VPS13A: variants seen among roughly 807,000 people sequenced by gnomAD.
VPS13A encodes vacuolar protein sorting 13 homolog A.
Under a neutral mutation model 390.9 loss-of-function variants are expected in VPS13A, and 264 were observed. That is an observed-to-expected ratio of 0.68 (90% CI 0.61 to 0.75). The LOEUF (loss-of-function observed/expected upper bound fraction) is 0.75. VPS13A is among the 30% of genes least tolerant of loss of function. The pLI is 0.00. For missense variants in VPS13A, 3,409 were observed against 3,733.9 expected (o/e 0.91, Z 2.27); for synonymous variants, 1,231 against 1,227.1 (o/e 1.00, Z -0.07).
chr9:77,253,936 CTTTTTTTTTTTT>C (rs1172781069), intron 22 of VPS13A, among the ~76,000 whole-genome samples: 2 of 55,068 alleles, frequency 3.6e-5, no homozygotes, highest in Admixed American at 2.2e-4. Flanking sequence ...GGCCTTTATT[CTTTTTTTTTTTT>C]TTTTTTTTTT....
intron 7 of VPS13A, 131 bp downstream of exon 7, chr9:77,210,806 G>A (rs1825939914): frequency 3.4e-6 from 3 of 881,858 alleles, no homozygotes; most frequent in Admixed American, 3.9e-5. Flanking sequence ...GTCTTCATTG[G>A]ATTGGAATCG....
At position 77,307,928 on chromosome 9, in the gene VPS13A, T is replaced by TC. The variant is rs1288047591; in HGVS notation, c.3961-16dup. 2 of 1,560,806 alleles carry TC rather than the reference T, an allele frequency of 1.3e-6. No homozygotes were observed. Among genetic ancestry groups the TC allele is most frequent in the East Asian group, 4.6e-5 (2 of 43,376 alleles). ...AAGTAGCAGTGCTAAAAAGAACAAATCTTTTTTTTTTAACAGTTCATTCTT... is the reference window on the plus strand; with the variant it reads ...AAGTAGCAGTGCTAAAAAGAACAAATCCTTTTTTTTTTAACAGTTCATTCTT... On this transcript the variant is annotated splice_polypyrimidine_tract_variant and intron_variant, in intron 34 of 71. Transcript: ENST00000360280.
chr9:77,262,264 A>T (rs1166230324), intron 23 of VPS13A, among the ~76,000 whole-genome samples: 3 of 150,756 alleles, frequency 2.0e-5, no homozygotes, highest in Non-Finnish European at 3.0e-5. Flanking sequence ...TGATTTCTGG[A>T]CTTTGTATTA....
intron 52 of VPS13A, among the ~76,000 whole-genome samples, chr9:77,349,417 G>A (rs2131535261): frequency 6.6e-6 from 1 of 152,136 alleles, no homozygotes; most frequent in African/African-American, 2.4e-5. Flanking sequence ...TAATAAGCAT[G>A]ATACCCAATA....
At position 77,217,772 on chromosome 9, in the gene VPS13A, G is replaced by A. The variant is rs140649765; in HGVS notation, c.755-2182G>A. ...ATAGTGCTGTGGTAAACATACAAGC[G>A]CTTTTTTTTTCTTTTTTTTTTTTGG... On this transcript the variant is annotated intron_variant, in intron 10 of 71. Transcript: ENST00000360280. Among the ~76,000 whole-genome samples, 1,261 of 150,026 alleles carry A rather than the reference G, an allele frequency of 8.4e-3. 9 individuals are homozygous for A. Among genetic ancestry groups the A allele is most frequent in the Middle Eastern group, 0.066 (19 of 290 alleles).
At chr9:77,266,781 G>A (rs982625964) in intron 23 of VPS13A, among the ~76,000 whole-genome samples, 6 of 151,998 alleles carry the variant, frequency 3.9e-5, no homozygotes, top group South Asian at 2.1e-4. Flanking sequence ...TATTGTCCCC[G>A]TCACTTTCAG....
chr9:77,376,860 C>G (rs1833106957), intron 67 of VPS13A, among the ~76,000 whole-genome samples: 1 of 152,124 alleles, frequency 6.6e-6, no homozygotes, highest in Non-Finnish European at 1.5e-5. Context: ...GGTCCAAGGA[C>G]TTGGCTTTCA....
In VPS13A at chr9:77,365,550, T is replaced by C; in HGVS notation, c.8302T>C (p.Tyr2768His). 1 of 1,606,086 alleles carries C rather than the reference T, an allele frequency of 6.2e-7. No homozygotes were observed. Among genetic ancestry groups the C allele is most frequent in the Non-Finnish European group, 8.5e-7 (1 of 1,173,156 alleles). Residue 2768 changes from tyrosine to histidine, a missense_variant, in exon 60 of 72, where the codon TAT (tyrosine) becomes CAT (histidine). Physicochemically the swap from Tyr to His is moderately conservative, Grantham distance 83 (BLOSUM62 2). Coordinates refer to ENST00000360280, the MANE Select transcript of VPS13A (RefSeq NM_033305.3). ...TCAATCACAAGTCAGCCTCTATGAA[T>C]ATTTTCATATATCTCCTATCAAGGT... ...VDQSQVSLYE[Y>H]FHISPIKLHL...
At chr9:77,400,012 AATTT>A (rs1240841146) in intron 68 of VPS13A, among the ~76,000 whole-genome samples, 16 of 152,130 alleles carry the variant, frequency 1.1e-4, no homozygotes, top group African/African-American at 1.9e-4. Flanking sequence ...GCTGTACATG[AATTT>A]ATTTAACCAG....
At chr9:77,223,996 T>G (rs1261834362) in intron 13 of VPS13A, among the ~76,000 whole-genome samples, 2 of 152,174 alleles carry the variant, frequency 1.3e-5, no homozygotes, top group Non-Finnish European at 2.9e-5. Flanking sequence ...TTTGCCATTC[T>G]GAAACTCTTA....
At chr9:77,314,410 G>A in intron 36 of VPS13A, 85 bp from the exon 37 acceptor site, 2 of 1,358,742 alleles carry the variant, frequency 1.5e-6, no homozygotes, top group South Asian at 1.2e-5. Flanking sequence ...ATAAGCAGAG[G>A]CAATAATTTG....
Position 77,418,886 on chromosome 9 carries a change from G to C in VPS13A, c.*2880G>C, listed in dbSNP as rs1835256444. 1 of 152,084 alleles carries C rather than the reference G, an allele frequency of 6.6e-6. No individual in the cohort carries two copies. Among genetic ancestry groups the C allele is most frequent in the South Asian group, 2.1e-4 (1 of 4,824 alleles). 9.4% of individuals were successfully genotyped at this position (152,084 alleles called of 1,614,324 possible). ...GCATCGTATTACTCTCTGGTAAAAA[G>C]AAAGATTAAATTAAAAGGACTCTAC... On this transcript the variant is annotated 3_prime_UTR_variant, in exon 72 of 72. Coordinates refer to ENST00000360280, the MANE Select transcript of VPS13A (RefSeq NM_033305.3).
At chr9:77,395,505 T>C (rs934919328) in intron 68 of VPS13A, among the ~76,000 whole-genome samples, 1 of 152,208 alleles carries the variant, frequency 6.6e-6, no homozygotes, top group Non-Finnish European at 1.5e-5. Context: ...ATTAACAAAA[T>C]GTGACTTAGA....
intron 52 of VPS13A, among the ~76,000 whole-genome samples, chr9:77,348,589 C>T (rs780127680): frequency 4.6e-5 from 7 of 151,692 alleles, no homozygotes; most frequent in African/African-American, 1.7e-4. Flanking sequence ...CAAATCTGCA[C>T]GTTCTGCACG....
At chr9:77,403,700 G>A (rs1037167252) in intron 69 of VPS13A, among the ~76,000 whole-genome samples, 2 of 152,136 alleles carry the variant, frequency 1.3e-5, no homozygotes, top group African/African-American at 2.4e-5. Flanking sequence ...ATAGATTGAC[G>A]TAAGTGGATA....
chr9:77,275,820 T>A (rs1826633022), intron 25 of VPS13A, among the ~76,000 whole-genome samples, 168 bp downstream of exon 25: 1 of 151,676 alleles, frequency 6.6e-6, no homozygotes, highest in Non-Finnish European at 1.5e-5. Context: ...CCTTTTTTTT[T>A]TAAATAAGAT....
rs116148204 is a variant in VPS13A at position 77,250,297 on chromosome 9, T to G, written c.2170+68T>G. ...TGATTAATTAGGTTTTTAGACACTT[T>G]GAAGACCTTCCTCTTAAATGTGTTA... On this transcript the variant is annotated intron_variant, in intron 21 of 71. Transcript: ENST00000360280. 1.1e-3 allele frequency: 1,766 copies of G among 1,545,454 alleles called. 26 individuals are homozygous for G. The African/African-American group carries it at 0.022, about 19-fold the overall frequency.
At chr9:77,287,111 C>G (rs1827371590) in intron 31 of VPS13A, among the ~76,000 whole-genome samples, 2 of 148,362 alleles carry the variant, frequency 1.3e-5, no homozygotes, top group Admixed American at 6.7e-5. Context: ...TATATAGATA[C>G]AATTTATACA....
At chr9:77,314,449 A>C in intron 36 of VPS13A, 46 bp from the exon 37 acceptor site, 1 of 1,557,750 alleles carries the variant, frequency 6.4e-7, no homozygotes, top group Non-Finnish European at 8.8e-7. Flanking sequence ...AATACACTTT[A>C]GACTTGTGTT....
Sources: allele counts gnomAD v4.1 joint callset (sites outside exome capture counted in the v4.1 genomes callset), GRCh38; gene constraint gnomAD v4.1.1; transcripts MANE v1.5; gene names NCBI Gene and HGNC (gene_info 2026-07-23, HGNC 2026-07-21).